MAF: variants seen among roughly 807,000 people sequenced by gnomAD.
The protein encoded by MAF is MAF bZIP transcription factor.
Under a neutral mutation model 22.0 loss-of-function variants are expected in MAF, and 10 were observed. The observed-to-expected ratio is 0.45, with a 90% CI of 0.28 to 0.77. The LOEUF (loss-of-function observed/expected upper bound fraction) is 0.77. MAF is among the 30% of genes least tolerant of loss of function. The pLI, the probability that MAF is intolerant of heterozygous loss-of-function variation, is 0.12. For synonymous variants in MAF, 337 were observed against 255.8 expected, an observed-to-expected ratio of 1.32 and a Z score of -3.03; for missense variants, 544 against 548.4, an observed-to-expected ratio of 0.99 and a Z score of 0.08.
chr16:79,276,965 C>T, the MAF span, among the ~76,000 whole-genome samples: 1 of 152,064 alleles, frequency 6.6e-6, no homozygotes, highest in South Asian at 2.1e-4. Flanking sequence ...TGTGTCACTC[C>T]AATCTCTGTT....
At chr16:79,472,612 G>C in the MAF span, among the ~76,000 whole-genome samples, 2 of 152,072 alleles carry the variant, frequency 1.3e-5, no homozygotes, top group Admixed American at 6.5e-5. Context: ...CCTAGGGCTT[G>C]GAGGCAGAGA....
the MAF span, among the ~76,000 whole-genome samples, chr16:79,264,724 C>A: frequency 6.6e-6 from 1 of 152,226 alleles, no homozygotes; most frequent in Non-Finnish European, 1.5e-5. Context: ...ACCAGCACAT[C>A]TCCCAGATAC....
the MAF span, among the ~76,000 whole-genome samples, chr16:79,386,173 T>G: frequency 6.6e-6 from 1 of 152,246 alleles, no homozygotes; most frequent in Non-Finnish European, 1.5e-5. Context: ...TTTGGGATGA[T>G]TCACGTGCAT....
the MAF span, among the ~76,000 whole-genome samples, chr16:79,314,489 G>T: frequency 6.6e-6 from 1 of 152,150 alleles, no homozygotes; most frequent in Non-Finnish European, 1.5e-5. Flanking sequence ...ATCTCTCAGG[G>T]GTCAGCTTTC....
At chr16:79,396,038 T>C in the MAF span, among the ~76,000 whole-genome samples, 1 of 152,184 alleles carries the variant, frequency 6.6e-6, no homozygotes, top group African/African-American at 2.4e-5. Flanking sequence ...ATCTTGGAGA[T>C]ACTGGTCATT....
the MAF span, among the ~76,000 whole-genome samples, chr16:79,387,560 T>G: frequency 6.2e-4 from 94 of 152,314 alleles, no homozygotes; most frequent in Admixed American, 1.2e-3. Flanking sequence ...TGGCGACCAG[T>G]GCACTCCACT....
chr16:79,571,554 T>TTTTTA, the MAF span, among the ~76,000 whole-genome samples: 1 of 139,790 alleles, frequency 7.2e-6, no homozygotes, highest in Non-Finnish European at 1.5e-5. Flanking sequence ...TTTTTTTTTT[T>TTTTTA]ACAAATGCAC....
At chr16:79,357,160 G>A in the MAF span, among the ~76,000 whole-genome samples, 4 of 152,126 alleles carry the variant, frequency 2.6e-5, no homozygotes, top group African/African-American at 4.8e-5. Context: ...GGAGGCTGAG[G>A]CAGGAGAATT....
chr16:79,540,021 G>A, the MAF span, among the ~76,000 whole-genome samples: 5 of 152,194 alleles, frequency 3.3e-5, no homozygotes, highest in South Asian at 8.3e-4. Context: ...AGTCTCTCCT[G>A]AAGCCCACTG....
chr16:79,470,749 G>T, the MAF span, among the ~76,000 whole-genome samples: 1 of 152,174 alleles, frequency 6.6e-6, no homozygotes, highest in Non-Finnish European at 1.5e-5. Flanking sequence ...TGGGGCCATA[G>T]AAGGCACTCC....
chr16:79,469,104 C>G, the MAF span, among the ~76,000 whole-genome samples: 3 of 152,170 alleles, frequency 2.0e-5, no homozygotes, highest in Admixed American at 6.5e-5. Flanking sequence ...ATGCGTTCCT[C>G]TAAAGCAGAG....
At chr16:79,334,863 A>G in the MAF span, among the ~76,000 whole-genome samples, 13,775 of 61,116 alleles carry the variant, frequency 0.23, 671 homozygotes, top group Non-Finnish European at 0.28. Flanking sequence ...GTGTGTGTGT[A>G]TGTGTGTGTG....
At chr16:79,299,707 A>G in the MAF span, among the ~76,000 whole-genome samples, 1 of 152,204 alleles carries the variant, frequency 6.6e-6, no homozygotes, top group African/African-American at 2.4e-5. Context: ...AGGCACCTTG[A>G]TCTTGACTAT....
chr16:79,368,625 G>T, the MAF span, among the ~76,000 whole-genome samples: 4 of 152,148 alleles, frequency 2.6e-5, no homozygotes, highest in Non-Finnish European at 5.9e-5. Flanking sequence ...GTCCCCACCA[G>T]TAGGAGCCCT....
the MAF span, among the ~76,000 whole-genome samples, chr16:79,251,220 G>A: frequency 0.81 from 123,784 of 152,112 alleles, 51,590 homozygotes; most frequent in African/African-American, 0.9. Context: ...AAATTTGGCC[G>A]CTGATTGCGC....
the MAF span, among the ~76,000 whole-genome samples, chr16:79,405,295 A>T: frequency 6.6e-6 from 1 of 152,174 alleles, no homozygotes. Context: ...GGGCACCTAC[A>T]TGGGGACATC....
chr16:79,538,223 A>G, the MAF span, among the ~76,000 whole-genome samples: 1 of 152,238 alleles, frequency 6.6e-6, no homozygotes, highest in East Asian at 1.9e-4. Flanking sequence ...TCAACAAATA[A>G]ATAGATGAAT....
the MAF span, among the ~76,000 whole-genome samples, chr16:79,318,231 G>A: frequency 6.6e-6 from 1 of 152,174 alleles, no homozygotes; most frequent in African/African-American, 2.4e-5. Context: ...TGATCCACCT[G>A]TTCCCAGGTT....
the MAF span, chr16:79,204,109 G>C: frequency 6.6e-6 from 1 of 152,022 alleles, no homozygotes; most frequent in East Asian, 1.9e-4. Flanking sequence ...CTTCTGCTTG[G>C]CTATTTCAAA....
Sources: allele counts gnomAD v4.1 joint callset (sites outside exome capture counted in the v4.1 genomes callset), GRCh38; gene constraint gnomAD v4.1.1; transcripts MANE v1.5; gene names NCBI Gene and HGNC (gene_info 2026-07-23, HGNC 2026-07-21).